ITFG1: variants seen among roughly 807,000 people sequenced by gnomAD.
The protein encoded by ITFG1 is T-cell immunomodulatory protein.
A neutral mutation model predicts 81.8 loss-of-function variants in ITFG1; 34 were observed. That is an observed-to-expected ratio of 0.42 (90% confidence interval 0.32 to 0.55). ITFG1 has a LOEUF of 0.55. Ranked by LOEUF, ITFG1 falls within the 20% of genes least tolerant of loss-of-function variation. The pLI is 0.17. For synonymous variants in ITFG1, 285 were observed against 270.6 expected (o/e 1.05, Z -0.52); for missense variants, 672 against 755.4 (o/e 0.89, Z 1.29).
In ITFG1 at chr16:47,456,722, A is replaced by G. The variant is rs545238325; in HGVS notation, c.281+2381T>C. 1.6e-3 allele frequency among the ~76,000 whole-genome samples: 248 copies of G among 151,974 alleles called. 2 individuals carry two copies. The highest frequency in any genetic ancestry group is 2.7e-3 in the Non-Finnish European group (185 of 67,934). ...AAAAAAAAAAAAAAAAGTGGGTAGAAAAACTTTTTGGATGTGACAGGACTT... is the reference window on the plus strand; with the variant it reads ...AAAAAAAAAAAAAAAAGTGGGTAGAGAAACTTTTTGGATGTGACAGGACTT... On this transcript the variant is annotated intron_variant, in intron 2 of 17. Coordinates refer to ENST00000320640, the MANE Select transcript of ITFG1 (RefSeq NM_030790.5).
intron 7 of ITFG1, among the ~76,000 whole-genome samples, chr16:47,374,720 A>G (rs1290605591): frequency 6.6e-6 from 1 of 152,208 alleles, no homozygotes; most frequent in Non-Finnish European, 1.5e-5. Flanking sequence ...AGTACATTAA[A>G]TAAGTCTTTT....
chr16:47,167,395 C>T (rs1216381333), intron 14 of ITFG1, among the ~76,000 whole-genome samples: 1 of 152,138 alleles, frequency 6.6e-6, no homozygotes, highest in Admixed American at 6.5e-5. Context: ...CATTCCACCA[C>T]AAAAGAAGTG....
At chr16:47,317,966 C>CT (rs1357150423) in intron 8 of ITFG1, among the ~76,000 whole-genome samples, 1 of 152,026 alleles carries the variant, frequency 6.6e-6, no homozygotes, top group African/African-American at 2.4e-5. Context: ...CATTAAGAAA[C>CT]TTTTTTCTGT....
chr16:47,180,804 C>G (rs1240932674), intron 14 of ITFG1, among the ~76,000 whole-genome samples: 1 of 151,688 alleles, frequency 6.6e-6, no homozygotes, highest in Non-Finnish European at 1.5e-5. Context: ...CCGGCCGCCA[C>G]CCCGTCTGGG....
chr16:47,293,165 A>AATGATATATAT (rs1966932305), intron 10 of ITFG1, among the ~76,000 whole-genome samples: 2 of 123,838 alleles, frequency 1.6e-5, no homozygotes, highest in African/African-American at 8.0e-5. Flanking sequence ...ATGATATATA[A>AATGATATATAT]TATATATCAT....
At chr16:47,420,230 TTAGTTGA>T (rs1217349177) in intron 6 of ITFG1, among the ~76,000 whole-genome samples, 1 of 152,152 alleles carries the variant, frequency 6.6e-6, no homozygotes, top group African/African-American at 2.4e-5. Context: ...TTTTTAAAAA[TTAGTTGA>T]TTTTTTTTAT....
rs556602678 is a variant in ITFG1, at chr16:47,439,120, A to C, written c.561-10222T>G. On this transcript the variant is annotated intron_variant, in intron 5 of 17. Coordinates refer to ENST00000320640, the MANE Select transcript of ITFG1 (RefSeq NM_030790.5). ...ACGAAATGAATGAAATGAAGCGTGA[A>C]TAGAAGTTTAGAGAAAAAAGAATAG... Among the ~76,000 whole-genome samples the C allele has an allele frequency of 2.6e-5, 4 of 152,326 alleles. No homozygotes were observed. The South Asian group carries it at 8.3e-4, about 32-fold the overall frequency.
chr16:47,376,080 T>C (rs1968320420), intron 6 of ITFG1, 140 bp from the exon 7 acceptor site: 2 of 530,792 alleles, frequency 3.8e-6, no homozygotes, highest in Non-Finnish European at 6.7e-6. Context: ...TTAACAAGTT[T>C]CATCCCATTA....
chr16:47,233,995 T>C (rs1965844697), intron 13 of ITFG1, among the ~76,000 whole-genome samples: 1 of 152,184 alleles, frequency 6.6e-6, no homozygotes, highest in Non-Finnish European at 1.5e-5. Flanking sequence ...GAACAGTATA[T>C]ACAGCCTAAT....
At chr16:47,223,611 T>A (rs1257461210) in intron 13 of ITFG1, among the ~76,000 whole-genome samples, 6 of 152,128 alleles carry the variant, frequency 3.9e-5, no homozygotes, top group Non-Finnish European at 5.9e-5. Context: ...TTTTACACTG[T>A]TGGTGGGACT....
At chr16:47,193,147 T>C (rs1965313914) in intron 14 of ITFG1, among the ~76,000 whole-genome samples, 1 of 152,054 alleles carries the variant, frequency 6.6e-6, no homozygotes, top group African/African-American at 2.4e-5. Flanking sequence ...ACATGTTGGA[T>C]GGGAAACCAC....
chr16:47,261,656 A>G (rs962314375), intron 10 of ITFG1, among the ~76,000 whole-genome samples: 2 of 152,030 alleles, frequency 1.3e-5, no homozygotes, highest in African/African-American at 4.8e-5. Context: ...TTATTGTTTA[A>G]TTTTTCTCTA....
intron 13 of ITFG1, among the ~76,000 whole-genome samples, 172 bp from the exon 14 acceptor site, chr16:47,219,118 TA>T (rs2151527180): frequency 6.6e-6 from 1 of 152,206 alleles, no homozygotes; most frequent in South Asian, 2.1e-4. Flanking sequence ...ATCTTAGTGT[TA>T]AAAAATAATA....
At chr16:47,400,238 T>C (rs987139739) in intron 6 of ITFG1, among the ~76,000 whole-genome samples, 6 of 152,160 alleles carry the variant, frequency 3.9e-5, no homozygotes, top group Non-Finnish European at 4.4e-5. Context: ...TATGTACTAC[T>C]AGAGACCAGG....
At chr16:47,264,663 A>T (rs1253900655) in intron 10 of ITFG1, among the ~76,000 whole-genome samples, 1 of 151,964 alleles carries the variant, frequency 6.6e-6, no homozygotes, top group Non-Finnish European at 1.5e-5. Flanking sequence ...TGGTCAAAGG[A>T]TATGGATATT....
chr16:47,347,964 CCTCCAACAAA>C (rs964142666), intron 8 of ITFG1, among the ~76,000 whole-genome samples: 3 of 152,156 alleles, frequency 2.0e-5, no homozygotes, highest in Non-Finnish European at 4.4e-5. Flanking sequence ...CTGGAGTGGA[CCTCCAACAAA>C]CTCCAACAGA....
At chr16:47,267,535 G>C (rs1035315598) in intron 10 of ITFG1, among the ~76,000 whole-genome samples, 1 of 152,032 alleles carries the variant, frequency 6.6e-6, no homozygotes, top group African/African-American at 2.4e-5. Flanking sequence ...AGATAAAGAA[G>C]ACTCAAACAA....
At chr16:47,180,245 G>C (rs948792962) in intron 14 of ITFG1, among the ~76,000 whole-genome samples, 1 of 152,126 alleles carries the variant, frequency 6.6e-6, no homozygotes, top group Non-Finnish European at 1.5e-5. Context: ...CAGTGATTAC[G>C]TGGAAGACAT....
At chr16:47,162,797 C>T (rs1329274462) in intron 14 of ITFG1, 133 bp from the exon 15 acceptor site, 2 of 751,906 alleles carry the variant, frequency 2.7e-6, no homozygotes, top group South Asian at 2.1e-5. Flanking sequence ...ATGAAAGATA[C>T]AGGTCATTAA....
Sources: gnomAD v4.1 joint callset for allele counts (sites outside exome capture counted in the v4.1 genomes callset) on GRCh38, gnomAD v4.1.1 for gene constraint, MANE v1.5 for transcripts, NCBI Gene and HGNC (gene_info 2026-07-23, HGNC 2026-07-21) for gene names.